The following NRXN1 variants were observed in gnomAD, a reference collection of about 807,000 sequenced individuals.
NRXN1 encodes neurexin 1.
A neutral mutation model predicts 150.9 loss-of-function variants in NRXN1; 39 were observed. The observed-to-expected ratio is 0.26, with a 90% confidence interval of 0.20 to 0.34. The LOEUF (loss-of-function observed/expected upper bound fraction) is 0.34, where lower values mean the gene tolerates loss of function less well. Ranked by LOEUF, NRXN1 falls within the 10% of genes least tolerant of loss-of-function variation. The pLI is 1.00. For synonymous variants in NRXN1, 924 were observed against 757.0 expected (o/e 1.22, Z -3.62); for missense variants, 1,815 against 1,949.9 (o/e 0.93, Z 1.30).
At chr2:50,625,213 CTTTCAACGCATCAGT>C (rs1428854424) in intron 5 of NRXN1, among the ~76,000 whole-genome samples, 4 of 152,024 alleles carry the variant, frequency 2.6e-5, no homozygotes, top group Non-Finnish European at 4.4e-5. Flanking sequence ...GCTCAAATCG[CTTTCAACGCATCAGT>C]GCCAGATGAT....
intron 17 of NRXN1, among the ~76,000 whole-genome samples, chr2:50,270,171 G>C (rs2069402730): frequency 6.6e-6 from 1 of 152,096 alleles, no homozygotes; most frequent in South Asian, 2.1e-4. Context: ...GATTAAGTGG[G>C]TGTGGTGATA....
At chr2:50,428,979 G>A (rs948540193) in intron 17 of NRXN1, among the ~76,000 whole-genome samples, 1 of 152,020 alleles carries the variant, frequency 6.6e-6, no homozygotes, top group African/African-American at 2.4e-5. Flanking sequence ...AAAGCATGCG[G>A]GTATTAAATA....
At chr2:50,033,484 G>C (rs1301336294) in intron 21 of NRXN1, among the ~76,000 whole-genome samples, 1 of 152,100 alleles carries the variant, frequency 6.6e-6, no homozygotes, top group Non-Finnish European at 1.5e-5. Context: ...ACTCAGGACA[G>C]ATTAACAACT....
chr2:49,948,165 G>T (rs1673289492), intron 21 of NRXN1, among the ~76,000 whole-genome samples: 1 of 152,008 alleles, frequency 6.6e-6, no homozygotes, highest in South Asian at 2.1e-4. Flanking sequence ...AAAATTCATG[G>T]GCTACAACTG....
intron 16 of NRXN1, among the ~76,000 whole-genome samples, chr2:50,466,195 C>T (rs941973015): frequency 6.6e-6 from 1 of 151,640 alleles, no homozygotes; most frequent in Non-Finnish European, 1.5e-5. Flanking sequence ...TCTAAAGAAT[C>T]ATAACTAGAA....
chr2:50,859,268 G>A (rs1255305097), intron 5 of NRXN1, among the ~76,000 whole-genome samples: 3 of 151,884 alleles, frequency 2.0e-5, no homozygotes, highest in African/African-American at 7.3e-5. Flanking sequence ...CCAGACCTCT[G>A]CATTTCCCAA....
At chr2:50,472,527 C>T (rs557169281) in intron 15 of NRXN1, 56 bp from the exon 16 acceptor site, 3 of 1,441,462 alleles carry the variant, frequency 2.1e-6, no homozygotes, top group East Asian at 2.3e-5. Context: ...ACTTTAAACA[C>T]ACAGTAGGAT....
At chr2:50,160,140 T>C (rs1286044249) in intron 18 of NRXN1, among the ~76,000 whole-genome samples, 3 of 151,810 alleles carry the variant, frequency 2.0e-5, no homozygotes, top group Admixed American at 6.6e-5. Flanking sequence ...AACTAGTACA[T>C]AGTGAGGGAT....
chr2:50,385,780 AAAGTAAC>A (rs1269194143), intron 17 of NRXN1, among the ~76,000 whole-genome samples: 3 of 152,206 alleles, frequency 2.0e-5, no homozygotes, highest in African/African-American at 7.2e-5. Flanking sequence ...GGCTTTGATA[AAAGTAAC>A]AGAAGGCATG....
chr2:50,014,356 G>A (rs1413902178), intron 21 of NRXN1, among the ~76,000 whole-genome samples: 2 of 152,074 alleles, frequency 1.3e-5, no homozygotes, highest in African/African-American at 2.4e-5. Context: ...AAAACTTCAT[G>A]TATGTCCTTG....
intron 17 of NRXN1, among the ~76,000 whole-genome samples, chr2:50,437,597 G>T (rs2085554096): frequency 6.6e-6 from 1 of 152,058 alleles, no homozygotes; most frequent in Admixed American, 6.6e-5. Context: ...GTGAGGCTGT[G>T]GGGAGAAGAG....
At chr2:50,323,383 T>G (rs2076174907) in intron 17 of NRXN1, among the ~76,000 whole-genome samples, 1 of 151,984 alleles carries the variant, frequency 6.6e-6, no homozygotes, top group Non-Finnish European at 1.5e-5. Flanking sequence ...GCTTTCAGAG[T>G]GTTTCATTTT....
intron 21 of NRXN1, among the ~76,000 whole-genome samples, chr2:49,946,840 A>C (rs1035888856): frequency 3.3e-5 from 5 of 152,210 alleles, no homozygotes; most frequent in Non-Finnish European, 5.9e-5. Flanking sequence ...TAACCAAAAC[A>C]GCCTGGTACC....
At chr2:50,563,624 C>T (rs976636914) in intron 8 of NRXN1, among the ~76,000 whole-genome samples, 7 of 152,162 alleles carry the variant, frequency 4.6e-5, no homozygotes, top group South Asian at 2.1e-4. Context: ...CCTGAGGTCA[C>T]ACTGCTATTG....
intron 15 of NRXN1, among the ~76,000 whole-genome samples, chr2:50,487,198 A>T (rs966252839): frequency 1.3e-5 from 2 of 152,190 alleles, no homozygotes; most frequent in African/African-American, 4.8e-5. Flanking sequence ...GATGGTGATG[A>T]TGATGGTGAT....
intron 2 of NRXN1, among the ~76,000 whole-genome samples, chr2:50,965,883 A>C (rs535695119): frequency 6.6e-6 from 1 of 151,548 alleles, no homozygotes; most frequent in Non-Finnish European, 1.5e-5. Flanking sequence ...ATAAACTTAC[A>C]AGATTTTAGT....
chr2:50,157,137 T>C (rs1440200141), intron 18 of NRXN1, among the ~76,000 whole-genome samples: 1 of 151,990 alleles, frequency 6.6e-6, no homozygotes, highest in Non-Finnish European at 1.5e-5. Context: ...AAATGCCTTC[T>C]GTTTTGCAAT....
At position 50,465,396 on chromosome 2, in the gene NRXN1, C is replaced by T. The variant is rs113964397; in HGVS notation, c.3364+46G>A. The T allele has an allele frequency of 3.4e-4, 525 of 1,536,972 alleles. 2 individuals are homozygous for T. In the African/African-American group the frequency reaches 6.0e-3, roughly 18 times the overall value. On this transcript the variant is annotated intron_variant, in intron 17 of 22. Coordinates refer to ENST00000401669, the MANE Select transcript of NRXN1 (RefSeq NM_001330078.2). ...TTAGACTTTAGATATCAAACAGTAA[C>T]TGGAAGCAACGATGAGTATCAGTCC...
intron 5 of NRXN1, among the ~76,000 whole-genome samples, chr2:50,894,713 C>T (rs1350400928): frequency 2.6e-5 from 4 of 151,874 alleles, no homozygotes; most frequent in African/African-American, 9.7e-5. Flanking sequence ...TTATCTCAAA[C>T]TAAAAAATAA....
Sources: allele counts gnomAD v4.1 joint callset (sites outside exome capture counted in the v4.1 genomes callset), GRCh38; gene constraint gnomAD v4.1.1; transcripts MANE v1.5; gene names NCBI Gene and HGNC (gene_info 2026-07-23, HGNC 2026-07-21).